Variants in PDZD2 observed in about 807,000 individuals in gnomAD.
PDZD2 encodes PDZ domain-containing protein 2.
PDZD2 carries 90 observed loss-of-function variants against 220.7 expected under a neutral mutation model. That is an observed-to-expected ratio of 0.41 (90% confidence interval 0.34 to 0.49). The LOEUF (loss-of-function observed/expected upper bound fraction) is 0.49, where lower values mean the gene tolerates loss of function less well. Among genes scored for constraint, PDZD2 ranks in the 20% least tolerant of loss-of-function variants. PDZD2 has a pLI of 0.28. For missense variants in PDZD2, 3,174 were observed against 3,608.5 expected (o/e 0.88, Z 3.08); for synonymous variants, 1,375 against 1,450.5 (o/e 0.95, Z 1.18).
intron 2 of PDZD2, among the ~76,000 whole-genome samples, chr5:31,831,600 T>C (rs1321189146): frequency 6.6e-6 from 1 of 151,922 alleles, no homozygotes; most frequent in Non-Finnish European, 1.5e-5. Flanking sequence ...ATACAAAAAT[T>C]AGCTGGGCAT....
rs557503213 is a variant in PDZD2, at chr5:32,003,427, C to A, written c.1254+3156C>A. 6.3e-3 allele frequency among the ~76,000 whole-genome samples: 696 copies of A among 110,480 alleles called. 12 individuals carry two copies. Among genetic ancestry groups the A allele is most frequent in the African/African-American group, 0.02 (557 of 27,284 alleles). The allele number at this position is 110,480 out of a possible 152,430, so 72.5% of individuals were successfully genotyped here. On this transcript the variant is annotated intron_variant, in intron 5 of 24. Coordinates refer to ENST00000438447, the MANE Select transcript of PDZD2 (RefSeq NM_178140.4). ...ACACTCCTCCACACACACACCCCCC[C>A]CACACACACCCTACACACTCCCCCC... is the stretch of plus-strand genomic sequence containing the variant.
chr5:31,899,266 G>T (rs767389081), intron 2 of PDZD2, among the ~76,000 whole-genome samples: 9 of 152,120 alleles, frequency 5.9e-5, no homozygotes, highest in Non-Finnish European at 1.3e-4. Flanking sequence ...ACATAGCTGG[G>T]ATTACAGGCA....
At chr5:32,027,273 A>G (rs973699146) in intron 6 of PDZD2, among the ~76,000 whole-genome samples, 1 of 152,150 alleles carries the variant, frequency 6.6e-6, no homozygotes. Context: ...TGACACATAC[A>G]AACCCACTGC....
intron 1 of PDZD2, among the ~76,000 whole-genome samples, chr5:31,694,797 ATTTTT>A (rs575393610): frequency 0.053 from 4,008 of 75,000 alleles, 197 homozygotes; most frequent in African/African-American, 0.16. Context: ...TTATTTATTT[ATTTTT>A]TTTTTGTGAA....
At position 31,880,831 on chromosome 5, in the gene PDZD2, C is replaced by A. The variant is rs966548049; in HGVS notation, c.476+81107C>A. 7.6e-5 allele frequency among the ~76,000 whole-genome samples: 7 copies of A among 92,168 alleles called. No homozygotes were observed. In the Admixed American group the frequency reaches 1.2e-3, roughly 16 times the overall value. The allele number at this position is 92,168 out of a possible 152,430, so 60.5% of individuals were successfully genotyped here. A position where few individuals can be genotyped will look rare whatever the true frequency, so the allele number is the denominator to read the frequency against. Reference sequence around the variant, plus strand: ...TTTTTTTTTTTTTGAGATGAAGTCTCGCTCTTGTCACCCAGGCTGGAGTGC... The same window carrying A: ...TTTTTTTTTTTTTGAGATGAAGTCTAGCTCTTGTCACCCAGGCTGGAGTGC... On this transcript the variant is annotated intron_variant, in intron 2 of 24. Coordinates refer to ENST00000438447, the MANE Select transcript of PDZD2 (RefSeq NM_178140.4).
intron 1 of PDZD2, among the ~76,000 whole-genome samples, chr5:31,764,875 G>C (rs966147614): frequency 1.3e-5 from 2 of 152,148 alleles, no homozygotes; most frequent in Admixed American, 1.3e-4. Context: ...TCAGGAGTTC[G>C]AGACCGGCCT....
intron 2 of PDZD2, among the ~76,000 whole-genome samples, chr5:31,948,615 C>T (rs1404464871): frequency 6.6e-6 from 1 of 152,074 alleles, no homozygotes; most frequent in South Asian, 2.1e-4. Context: ...TACAGATTTG[C>T]AGACATAAGG....
In PDZD2 at chr5:32,037,295, G is replaced by A. The variant is rs549709874; in HGVS notation, c.1472G>A (p.Ser491Asn). The A allele has an allele frequency of 1.2e-6, 2 of 1,613,772 alleles. No individual in the cohort carries two copies. The highest frequency in any genetic ancestry group is 2.2e-5 in the South Asian group (2 of 91,072). Residue 491 changes from serine (S) to asparagine (N), a missense_variant, in exon 7 of 25, where the codon AGT becomes AAT. This residue lies in a region of PDZD2 where 632 missense variants were observed against 708.1 expected (regional missense o/e 0.89). Transcript: ENST00000438447. Reference protein sequence around the residue: ...GAEESKGNLESPKQGSNKIKL... With the variant: ...GAEESKGNLENPKQGSNKIKL... ...GAGGAATCCAAGGGGAACTTGGAAAGTCCCAAACAGGGCAGCAATAAAATC... is the reference window on the plus strand; with the variant it reads ...GAGGAATCCAAGGGGAACTTGGAAAATCCCAAACAGGGCAGCAATAAAATC...
chr5:32,045,231 C>T (rs574586655), intron 7 of PDZD2, among the ~76,000 whole-genome samples: 4 of 152,318 alleles, frequency 2.6e-5, no homozygotes, highest in South Asian at 2.1e-4. Flanking sequence ...GGTTCCAACT[C>T]TTTCCACTAA....
intron 2 of PDZD2, among the ~76,000 whole-genome samples, chr5:31,821,020 T>TA: frequency 6.6e-6 from 1 of 152,248 alleles, no homozygotes; most frequent in Non-Finnish European, 1.5e-5. Context: ...GATATGCATT[T>TA]AAATATTATA....
chr5:31,957,497 C>T (rs775387518), intron 2 of PDZD2, among the ~76,000 whole-genome samples: 6 of 152,170 alleles, frequency 3.9e-5, no homozygotes, highest in Non-Finnish European at 4.4e-5. Flanking sequence ...AACATTTTCC[C>T]TCTGAAATAG....
At chr5:32,015,481 G>T (rs1432466155) in intron 6 of PDZD2, among the ~76,000 whole-genome samples, 2 of 152,040 alleles carry the variant, frequency 1.3e-5, no homozygotes, top group Non-Finnish European at 2.9e-5. Flanking sequence ...CAAACTCCTG[G>T]CCTCAAGCGA....
chr5:31,715,251 G>C (rs1748376291), intron 1 of PDZD2, among the ~76,000 whole-genome samples: 1 of 152,060 alleles, frequency 6.6e-6, no homozygotes, highest in Non-Finnish European at 1.5e-5. Context: ...TATACAAGAA[G>C]TTTCTTGAAG....
intron 1 of PDZD2, among the ~76,000 whole-genome samples, chr5:31,750,538 G>A (rs561428394): frequency 1.0e-3 from 158 of 152,308 alleles, no homozygotes; most frequent in African/African-American, 3.8e-3. Context: ...TGTAACACGA[G>A]GGTCCGCCAA....
At chr5:32,016,584 C>A (rs536239956) in intron 6 of PDZD2, among the ~76,000 whole-genome samples, 2 of 152,242 alleles carry the variant, frequency 1.3e-5, no homozygotes, top group Non-Finnish European at 2.9e-5. Context: ...TCCCCTGAGG[C>A]CTTGAGGATA....
chr5:31,842,154 A>G (rs1561500926), intron 2 of PDZD2, among the ~76,000 whole-genome samples: 1 of 152,194 alleles, frequency 6.6e-6, no homozygotes, highest in Non-Finnish European at 1.5e-5. Flanking sequence ...TGTAGCTTTG[A>G]AAAACTACCA....
At position 32,023,313 on chromosome 5, in the gene PDZD2, G is replaced by A. The variant is rs150259462; in HGVS notation, c.1407+12831G>A. On this transcript the variant is annotated intron_variant, in intron 6 of 24. Coordinates refer to ENST00000438447, the MANE Select transcript of PDZD2 (RefSeq NM_178140.4). ...TGAACTCTCCACTGAGGTCCCCACC[G>A]TCTCCCCTCCCAGACAGCCTCTCCT... is the stretch of plus-strand genomic sequence containing the variant. 4.5e-3 allele frequency among the ~76,000 whole-genome samples: 680 copies of A among 152,112 alleles called. 7 individuals are homozygous for A. The highest frequency in any genetic ancestry group is 0.016 in the African/African-American group (647 of 41,506).
At chr5:31,689,516 G>A (rs186496655) in intron 1 of PDZD2, among the ~76,000 whole-genome samples, 16 of 151,322 alleles carry the variant, frequency 1.1e-4, no homozygotes, top group South Asian at 8.4e-4. Context: ...ATTGCTGTAC[G>A]AGCAAAACTA....
chr5:32,079,401 T>C (rs62361284), intron 19 of PDZD2, among the ~76,000 whole-genome samples: 14 of 151,866 alleles, frequency 9.2e-5, no homozygotes, highest in Non-Finnish European at 2.1e-4. Context: ...CCGGCAGTCC[T>C]CCGCAACTGT....
Sources: gnomAD v4.1 joint callset for allele counts (sites outside exome capture counted in the v4.1 genomes callset) on GRCh38, gnomAD v4.1.1 for gene constraint, gnomAD v4.1.1 regional missense constraint, MANE v1.5 for transcripts, NCBI Gene and HGNC (gene_info 2026-07-23, HGNC 2026-07-21) for gene names.